Variants in STK25 observed in about 807,000 individuals in gnomAD.
The protein encoded by STK25 is serine/threonine kinase 25, also known as serine/threonine-protein kinase 25.
In STK25, 29 loss-of-function variants were observed where a neutral mutation model predicts 53.8. The observed-to-expected ratio is 0.54, with a 90% confidence interval of 0.40 to 0.74. STK25 has a LOEUF of 0.74. Ranked by LOEUF, STK25 falls within the 30% of genes least tolerant of loss-of-function variation. STK25 has a pLI of 0.00. For missense variants in STK25, 420 were observed against 568.0 expected, an observed-to-expected ratio of 0.74 and a Z score of 2.65; for synonymous variants, 247 against 238.3, an observed-to-expected ratio of 1.04 and a Z score of -0.33.
chr2:241,499,902 G>A (rs911412474), intron 5 of STK25: 29 of 561,556 alleles, frequency 5.2e-5, no homozygotes, highest in Middle Eastern at 3.4e-4. Context: ...CTGCTGTGCC[G>A]TGCACCACAG....
rs2065045540 is a variant in STK25 at position 241,494,329 on chromosome 2, C to G, written c.*1333G>C. ...GGACCTAGTGCATGCCAGCAGCTATCTGGGGCCCTGGGAAAAATGTGCGAG... is the reference window on the plus strand; with the variant it reads ...GGACCTAGTGCATGCCAGCAGCTATGTGGGGCCCTGGGAAAAATGTGCGAG... On this transcript the variant is annotated 3_prime_UTR_variant, in exon 12 of 12. Coordinates refer to ENST00000316586, the MANE Select transcript of STK25 (RefSeq NM_001271977.2). The surrounding 1 kb of genome is among the most constrained non-coding windows in gnomAD (Gnocchi z 4.9). 1 of 385,128 alleles carries G rather than the reference C, an allele frequency of 2.6e-6. No individual in the cohort carries two copies. The highest frequency in any genetic ancestry group is 4.7e-6 in the Non-Finnish European group (1 of 211,072). The allele number at this position is 385,128 out of a possible 1,614,324, so 23.9% of individuals were successfully genotyped here. A position where few individuals can be genotyped will look rare whatever the true frequency, so the allele number is the denominator to read the frequency against.
Position 241,501,249 on chromosome 2 carries a change from C to T in STK25, c.261+229G>A. On this transcript the variant is annotated intron_variant, in intron 3 of 11. Coordinates refer to ENST00000316586, the MANE Select transcript of STK25 (RefSeq NM_001271977.2). The surrounding 1 kb of genome is among the most constrained non-coding windows in gnomAD (Gnocchi z 5.3). ...GCCCCCCAGAGTGCTCCTAGCAGCG[C>T]CCTCACTGCATTACCACAGGCAGGC... The T allele has an allele frequency of 1.6e-6, 1 of 606,680 alleles. No individual in the cohort carries two copies. The allele number at this position is 606,680 out of a possible 1,614,324, so 37.6% of individuals were successfully genotyped here.
Position 241,493,812 on chromosome 2 carries a change from G to C in STK25, c.*1850C>G, listed in dbSNP as rs1036054319. ...GGGTTTCACCATGTTGGCCAGGCTG[G>C]TCTCGAACTCCTGACCTCAAGTGAT... On this transcript the variant is annotated 3_prime_UTR_variant, in exon 12 of 12. Transcript: ENST00000316586. 1.7e-4 allele frequency: 87 copies of C among 512,164 alleles called. No individual in the cohort carries two copies. Among genetic ancestry groups the C allele is most frequent in the African/African-American group, 1.5e-3 (76 of 51,522 alleles). The allele number at this position is 512,164 out of a possible 1,614,324, so 31.7% of individuals were successfully genotyped here. A position where few individuals can be genotyped will look rare whatever the true frequency, so the allele number is the denominator to read the frequency against.
intron 8 of STK25, 141 bp downstream of exon 8, chr2:241,498,498 T>C (rs1574942207): frequency 7.9e-7 from 1 of 1,271,964 alleles, no homozygotes; most frequent in East Asian, 2.4e-5. Flanking sequence ...CAGCAGGCCC[T>C]GTCCTGCAGC....
In STK25 at chr2:241,493,985, C is replaced by CTGA. The variant is rs766054975; in HGVS notation, c.*1674_*1676dup. The CTGA allele has an allele frequency of 1.5e-6, 2 of 1,344,218 alleles. No individual in the cohort carries two copies. The highest frequency in any genetic ancestry group is 2.9e-5 in the Admixed American group (1 of 34,200). 83.3% of individuals were successfully genotyped at this position (1,344,218 alleles called of 1,614,324 possible). A position where few individuals can be genotyped will look rare whatever the true frequency, so the allele number is the denominator to read the frequency against. ...TCTGAGCACAAGATGGCTCACTGGT[C>CTGA]TGATGGCCGCCCTCTCCTCCAGGTG... On this transcript the variant is annotated 3_prime_UTR_variant, in exon 12 of 12. Transcript: ENST00000316586.
Position 241,495,630 on chromosome 2 carries a change from C to T in STK25, c.*32G>A. On this transcript the variant is annotated 3_prime_UTR_variant, in exon 12 of 12. Coordinates refer to ENST00000316586, the MANE Select transcript of STK25 (RefSeq NM_001271977.2). ...TGGAGCTCAGAACAAAAACAAACGACCTTCCGTCCCCTATCTGAACAGCAG... is the reference window on the plus strand; with the variant it reads ...TGGAGCTCAGAACAAAAACAAACGATCTTCCGTCCCCTATCTGAACAGCAG... The T allele has an allele frequency of 6.2e-7, 1 of 1,613,750 alleles. No homozygotes were observed. The highest frequency in any genetic ancestry group is 8.5e-7 in the Non-Finnish European group (1 of 1,179,616).
At position 241,492,786 on chromosome 2, in the gene STK25, G is replaced by A. The variant is rs1224696113; in HGVS notation, c.*2876C>T. 1 of 592,292 alleles carries A rather than the reference G, an allele frequency of 1.7e-6. No individual in the cohort carries two copies. The highest frequency in any genetic ancestry group is 3.0e-6 in the Non-Finnish European group (1 of 329,880). 36.7% of individuals were successfully genotyped at this position (592,292 alleles called of 1,614,324 possible). The stretch of plus-strand genomic sequence containing the variant: ...TCTGTTGGACTTAAGTACTGATAAA[G>A]CTGCTGTTCATAGCAGTCCAGAGGT... On this transcript the variant is annotated 3_prime_UTR_variant, in exon 12 of 12. Coordinates refer to ENST00000316586, the MANE Select transcript of STK25 (RefSeq NM_001271977.2).
At position 241,499,132 on chromosome 2, in the gene STK25, T is replaced by C. The variant is rs1201624473; in HGVS notation, c.628A>G (p.Lys210Glu). 6.2e-7 allele frequency: 1 copy of C among 1,613,828 alleles called. No homozygotes were observed. Among genetic ancestry groups the C allele is most frequent in the East Asian group, 2.2e-5 (1 of 44,852 alleles). ...AGGTCAGAGTTTGGAGGCTCCCCCT[T>C]GGCCAGCTCGATGGCTGTGATCCCC... is the stretch of plus-strand genomic sequence containing the variant. ...SLGITAIELA[K>E]GEPPNSDLHP... The change falls in exon 7 of 12, where the codon AAG (lysine) becomes GAG (glutamate). Residue 210 changes from lysine (K) to glutamate (E), a missense_variant. Physicochemically the swap from Lys to Glu is moderately conservative, Grantham distance 56. Transcript: ENST00000316586.
At chr2:241,508,255 C>G in intron 1 of STK25, 120 bp from the exon 2 acceptor site, 2 of 1,308,688 alleles carry the variant, frequency 1.5e-6, no homozygotes, top group African/African-American at 3.1e-5. Context: ...CGGGGCCCCG[C>G]CACGCCCGGG....
At chr2:241,508,897 G>A (rs1478054788), upstream of STK25, among the ~76,000 whole-genome samples, 3 of 152,034 alleles carry the variant, frequency 2.0e-5, no homozygotes, top group Non-Finnish European at 1.5e-5. Context: ...GCTGGCGCCT[G>A]CCAGGCGTCG....
chr2:241,499,860 C>G, intron 5 of STK25: 1 of 486,682 alleles, frequency 2.1e-6, no homozygotes, highest in Non-Finnish European at 3.8e-6. Flanking sequence ...CAGGGCCAGA[C>G]CACACGCTGG....
At chr2:241,498,484 G>A (rs550570398) in intron 8 of STK25, 135 bp from the exon 9 acceptor site, 2 of 1,232,538 alleles carry the variant, frequency 1.6e-6, no homozygotes, top group East Asian at 4.9e-5. Flanking sequence ...TCCAGCTGAT[G>A]CCTCAGCAGG....
chr2:241,509,278 G>C (rs934086560), upstream of STK25: 1 of 152,382 alleles, frequency 6.6e-6, no homozygotes, highest in Admixed American at 6.5e-5. Context: ...GACCCACCTG[G>C]GCTAGAGCGC....
intron 2 of STK25, among the ~76,000 whole-genome samples, chr2:241,503,652 G>A (rs1342473891): frequency 1.4e-5 from 2 of 147,538 alleles, no homozygotes; most frequent in African/African-American, 5.0e-5. Context: ...GGCGGAGATC[G>A]TGCCACTGCA....
In STK25 at chr2:241,493,115, G is replaced by A; in HGVS notation, c.*2547C>T. ...AACCCTGCTCACCTGTGTCCCTTTTGTATTTTGGTTCTGCCCTCCCATGCT... is the reference window on the plus strand; with the variant it reads ...AACCCTGCTCACCTGTGTCCCTTTTATATTTTGGTTCTGCCCTCCCATGCT... On this transcript the variant is annotated 3_prime_UTR_variant, in exon 12 of 12. Coordinates refer to ENST00000316586, the MANE Select transcript of STK25 (RefSeq NM_001271977.2). 2 of 1,137,812 alleles carry A rather than the reference G, an allele frequency of 1.8e-6. No individual in the cohort carries two copies. Among genetic ancestry groups the A allele is most frequent in the Non-Finnish European group, 2.7e-6 (2 of 751,390 alleles). The allele number at this position is 1,137,812 out of a possible 1,614,324, so 70.5% of individuals were successfully genotyped here. A position where few individuals can be genotyped will look rare whatever the true frequency, so the allele number is the denominator to read the frequency against.
At chr2:241,497,825 C>G (rs1410514013) in intron 9 of STK25, 138 bp from the exon 10 acceptor site, 1 of 822,250 alleles carries the variant, frequency 1.2e-6, no homozygotes, top group Admixed American at 2.3e-5. Flanking sequence ...GGGCCGGCCC[C>G]AAAACCATCA....
In STK25 at chr2:241,497,607, C is replaced by CAT; in HGVS notation, c.1104+7_1104+8dup. 6.2e-7 allele frequency: 1 copy of CAT among 1,613,438 alleles called. No individual in the cohort carries two copies. The highest frequency in any genetic ancestry group is 8.5e-7 in the Non-Finnish European group (1 of 1,179,906). The stretch of plus-strand genomic sequence containing the variant: ...GGGACTCCAGGCCCAGTCCCAGCCC[C>CAT]ATCCTCACCTCTCCGAAGACGGGCC... On this transcript the variant is annotated intron_variant, in intron 10 of 11. Transcript: ENST00000316586.
chr2:241,497,875 C>CT (rs1491350164), intron 9 of STK25, among the ~76,000 whole-genome samples, 188 bp from the exon 10 acceptor site: 33 of 151,970 alleles, frequency 2.2e-4, no homozygotes, highest in Admixed American at 7.2e-4. Flanking sequence ...GACTCCCACC[C>CT]TCTCCTGACT....
chr2:241,493,173 A>T lies in STK25; in HGVS notation c.*2489T>A, dbSNP rs1028797927. On this transcript the variant is annotated 3_prime_UTR_variant, in exon 12 of 12. Coordinates refer to ENST00000316586, the MANE Select transcript of STK25 (RefSeq NM_001271977.2). ...CACACCCTGTGCTGTGTGAACAGGGAAACTGGCTCCCTTGGCCCGTGGGCA... is the reference window on the plus strand; with the variant it reads ...CACACCCTGTGCTGTGTGAACAGGGTAACTGGCTCCCTTGGCCCGTGGGCA... 2 of 1,272,210 alleles carry T rather than the reference A, an allele frequency of 1.6e-6. No individual in the cohort carries two copies. The highest frequency in any genetic ancestry group is 1.1e-6 in the Non-Finnish European group (1 of 887,782). 78.8% of individuals were successfully genotyped at this position (1,272,210 alleles called of 1,614,324 possible).
Sources: gnomAD v4.1 joint callset for allele counts (sites outside exome capture counted in the v4.1 genomes callset) on GRCh38, gnomAD v4.1.1 for gene constraint, Gnocchi (gnomAD v3.1) non-coding constraint, MANE v1.5 for transcripts, NCBI Gene and HGNC (gene_info 2026-07-23, HGNC 2026-07-21) for gene names.